Variants in LRIF1 observed in about 807,000 individuals in gnomAD.
The protein encoded by LRIF1 is ligand dependent nuclear receptor interacting factor 1.
LRIF1 carries 32 observed loss-of-function variants against 52.7 expected under a neutral mutation model. The ratio of observed to expected loss-of-function variants is 0.61; its 90% CI spans 0.46 to 0.82. The LOEUF (loss-of-function observed/expected upper bound fraction) is 0.82, where lower values mean the gene tolerates loss of function less well. Ranked by LOEUF, LRIF1 falls within the 40% of genes least tolerant of loss-of-function variation. LRIF1 has a pLI of 0.00. For synonymous variants in LRIF1, 323 were observed against 317.4 expected, an observed-to-expected ratio of 1.02 and a Z score of -0.19; for missense variants, 887 against 892.0, an observed-to-expected ratio of 0.99 and a Z score of 0.07.
the LRIF1 span, among the ~76,000 whole-genome samples, chr1:110,923,892 C>T: frequency 1.3e-5 from 2 of 151,948 alleles, no homozygotes; most frequent in African/African-American, 4.8e-5. Context: ...AACATTCATA[C>T]AGGAATTAAA....
chr1:110,920,049 AAT>A, the LRIF1 span, among the ~76,000 whole-genome samples: 1 of 152,188 alleles, frequency 6.6e-6, no homozygotes, highest in East Asian at 1.9e-4. Flanking sequence ...GACACCATCA[AAT>A]GCTTGGAGGA....
the LRIF1 span, among the ~76,000 whole-genome samples, chr1:110,884,471 CAGTT>C: frequency 4.6e-5 from 7 of 152,056 alleles, no homozygotes; most frequent in African/African-American, 1.7e-4. Flanking sequence ...CTATCACAAT[CAGTT>C]AGTTTAAGTT....
the LRIF1 span, among the ~76,000 whole-genome samples, chr1:110,924,255 A>C: frequency 2.6e-5 from 4 of 152,232 alleles, no homozygotes; most frequent in African/African-American, 9.6e-5. Context: ...ATCTAGTCCC[A>C]AATGGTTTCA....
At chr1:110,905,724 C>T in the LRIF1 span, among the ~76,000 whole-genome samples, 14 of 152,074 alleles carry the variant, frequency 9.2e-5, no homozygotes, top group East Asian at 1.4e-3. Context: ...AGTAAGTACA[C>T]AAAAAGACAG....
the LRIF1 span, among the ~76,000 whole-genome samples, chr1:110,886,869 A>ATATATATATATATATAT: frequency 1.1e-4 from 9 of 82,778 alleles, no homozygotes; most frequent in East Asian, 6.7e-4. Flanking sequence ...ATATATATAT[A>ATATATATATATATATAT]TTTTTTTTTT....
At chr1:110,954,818 G>C (rs989934093) in intron 1 of LRIF1, among the ~76,000 whole-genome samples, 1 of 152,156 alleles carries the variant, frequency 6.6e-6, no homozygotes, top group Non-Finnish European at 1.5e-5. Flanking sequence ...AAAATCAAAA[G>C]AGTAACAGTA....
the LRIF1 span, among the ~76,000 whole-genome samples, chr1:110,883,638 A>T: frequency 4.0e-5 from 6 of 151,874 alleles, no homozygotes; most frequent in Admixed American, 2.6e-4. Flanking sequence ...TCTGCCTTAC[A>T]TGTTTAGTAG....
chr1:110,919,886 A>T, the LRIF1 span, among the ~76,000 whole-genome samples: 2 of 152,244 alleles, frequency 1.3e-5, no homozygotes, highest in Non-Finnish European at 2.9e-5. Context: ...AAACTTAGGC[A>T]AAAGATCTGA....
the LRIF1 span, among the ~76,000 whole-genome samples, chr1:110,931,639 A>G: frequency 2.0e-5 from 3 of 152,158 alleles, no homozygotes; most frequent in Non-Finnish European, 4.4e-5. Context: ...CATCCTCTCC[A>G]GTATCTGTTG....
chr1:110,933,480 C>A, the LRIF1 span, among the ~76,000 whole-genome samples: 2 of 152,142 alleles, frequency 1.3e-5, no homozygotes, highest in African/African-American at 4.8e-5. Flanking sequence ...CCTCCCCAAA[C>A]CCCCCAACAG....
chr1:110,929,682 C>T, the LRIF1 span, among the ~76,000 whole-genome samples: 2 of 151,702 alleles, frequency 1.3e-5, no homozygotes, highest in Non-Finnish European at 2.9e-5. Flanking sequence ...GCATAGTTTA[C>T]AAAAAAGAAT....
chr1:110,935,300 A>G, the LRIF1 span, among the ~76,000 whole-genome samples: 4 of 152,358 alleles, frequency 2.6e-5, no homozygotes, highest in East Asian at 7.7e-4. Flanking sequence ...ACTAGCATCA[A>G]CACCATGCAG....
Position 110,963,770 on chromosome 1 carries a change from C to T in LRIF1, c.-82G>A, listed in dbSNP as rs1659067334. 8.6e-7 allele frequency: 1 copy of T among 1,157,994 alleles called. No homozygotes were observed. The highest frequency in any genetic ancestry group is 1.5e-5 in the African/African-American group (1 of 65,854). 71.7% of individuals were successfully genotyped at this position (1,157,994 alleles called of 1,614,324 possible). A position where few individuals can be genotyped will look rare whatever the true frequency, so the allele number is the denominator to read the frequency against. Reference sequence around the variant, plus strand: ...TTTCCCAATGGGGCGAGAACCAGAGCGAGGGAATGTTGGGCTGGAGTTGCC... The same window carrying T: ...TTTCCCAATGGGGCGAGAACCAGAGTGAGGGAATGTTGGGCTGGAGTTGCC... On this transcript the variant is annotated 5_prime_UTR_variant, in exon 1 of 4. Coordinates refer to ENST00000369763, the MANE Select transcript of LRIF1 (RefSeq NM_018372.4).
At chr1:110,939,326 C>T in the LRIF1 span, 2 of 140,938 alleles carry the variant, frequency 1.4e-5, no homozygotes, top group East Asian at 4.2e-4. Context: ...TGCAGTGAGC[C>T]GAGATCGCGC....
the LRIF1 span, among the ~76,000 whole-genome samples, chr1:110,886,801 C>T: frequency 1.3e-5 from 2 of 149,794 alleles, no homozygotes; most frequent in South Asian, 4.3e-4. Flanking sequence ...GCCAAGATCA[C>T]GCCACTGCAC....
At chr1:110,922,253 G>A in the LRIF1 span, among the ~76,000 whole-genome samples, 1 of 152,188 alleles carries the variant, frequency 6.6e-6, no homozygotes, top group Non-Finnish European at 1.5e-5. Flanking sequence ...CTGCCCTCAT[G>A]AATTGATTAA....
the LRIF1 span, among the ~76,000 whole-genome samples, chr1:110,924,382 A>G: frequency 4.0e-4 from 61 of 152,358 alleles, no homozygotes; most frequent in African/African-American, 1.4e-3. Flanking sequence ...TCATACTGCT[A>G]TAAAGGAAAG....
At chr1:110,933,788 T>C in the LRIF1 span, among the ~76,000 whole-genome samples, 6 of 151,878 alleles carry the variant, frequency 4.0e-5, no homozygotes, top group Non-Finnish European at 8.8e-5. Context: ...CACAGGTGAG[T>C]CCATGTGCTG....
chr1:110,949,694 T>C (rs977719036), intron 3 of LRIF1, among the ~76,000 whole-genome samples, 157 bp downstream of exon 3: 2 of 152,196 alleles, frequency 1.3e-5, no homozygotes, highest in Non-Finnish European at 2.9e-5. Context: ...TGCTGGGGCC[T>C]GGTTGTTTTA....
Sources: gnomAD v4.1 joint callset for allele counts (sites outside exome capture counted in the v4.1 genomes callset) on GRCh38, gnomAD v4.1.1 for gene constraint, MANE v1.5 for transcripts, NCBI Gene and HGNC (gene_info 2026-07-23, HGNC 2026-07-21) for gene names.